Variants in SPATA7 observed in about 807,000 individuals in gnomAD.
SPATA7 encodes the protein spermatogenesis associated 7.
SPATA7 carries 43 observed loss-of-function variants against 51.8 expected under a neutral mutation model. That is an observed-to-expected ratio of 0.83 (90% CI 0.65 to 1.07). The LOEUF (loss-of-function observed/expected upper bound fraction) is 1.07, where lower values mean the gene tolerates loss of function less well. Ranked by LOEUF, SPATA7 falls within the 50% of genes least tolerant of loss-of-function variation. The pLI is 0.00. For missense variants in SPATA7, 683 were observed against 701.3 expected (o/e 0.97, Z 0.30); for synonymous variants, 230 against 252.8 (o/e 0.91, Z 0.86).
chr14:88,468,227 T>C lies in SPATA7; in HGVS notation c.255-1620T>C, dbSNP rs945534149. ...GAGTCTGCACCAGCATCATTCTCTGTTGCCTCAGCATGTCCAGCACTCTCG... is the reference window on the plus strand; with the variant it reads ...GAGTCTGCACCAGCATCATTCTCTGCTGCCTCAGCATGTCCAGCACTCTCG... On this transcript the variant is annotated intron_variant, in intron 4 of 4. Coordinates refer to the SPATA7 transcript ENST00000556406. The C allele has an allele frequency of 3.1e-6, 5 of 1,610,204 alleles. No homozygotes were observed. The African/African-American group carries it at 6.7e-5, about 22-fold the overall frequency.
In SPATA7 at chr14:88,469,996, T is replaced by A; in HGVS notation, c.*129T>A. On this transcript the variant is annotated 3_prime_UTR_variant, in exon 5 of 5. Coordinates refer to the SPATA7 transcript ENST00000556406. The surrounding 1 kb of genome is among the most constrained non-coding windows in gnomAD (Gnocchi z 4.3). Reference sequence around the variant, plus strand: ...ATCTGCCAAAAATCTTGACAGGTATTCTGTAATGGTCCCTGTGTGGCAATA... The same window carrying A: ...ATCTGCCAAAAATCTTGACAGGTATACTGTAATGGTCCCTGTGTGGCAATA... 6.2e-7 allele frequency: 1 copy of A among 1,613,266 alleles called. No homozygotes were observed. The highest frequency in any genetic ancestry group is 1.3e-5 in the African/African-American group (1 of 75,028).
chr14:88,416,981 G>C, intron 5 of SPATA7, 137 bp downstream of exon 5: 1 of 699,286 alleles, frequency 1.4e-6, no homozygotes. Flanking sequence ...ATTTTAAAAG[G>C]CTGTTCAGGC....
intron 4 of SPATA7, among the ~76,000 whole-genome samples, chr14:88,460,459 T>C (rs997769344): frequency 6.6e-5 from 10 of 152,228 alleles, no homozygotes; most frequent in Non-Finnish European, 1.3e-4. Context: ...TTCATTCATT[T>C]GATCTTCAAT....
chr14:88,411,475 C>G (rs2076339278), intron 4 of SPATA7, among the ~76,000 whole-genome samples: 1 of 152,162 alleles, frequency 6.6e-6, no homozygotes. Flanking sequence ...CAGTTTTGTG[C>G]TTGAAACCCA....
intron 9 of SPATA7, 103 bp downstream of exon 9, chr14:88,431,328 T>A (rs879054724): frequency 1.6e-4 from 181 of 1,129,486 alleles, no homozygotes; most frequent in Non-Finnish European, 2.1e-4. Flanking sequence ...TCTCTTTTTT[T>A]AAAACTGGCA....
At chr14:88,468,056 G>C (rs1180616408) in intron 4 of SPATA7, 1 of 1,523,104 alleles carries the variant, frequency 6.6e-7, no homozygotes, top group South Asian at 1.2e-5. Context: ...AGTGTCAACG[G>C]GAAAGTATGA....
intron 3 of SPATA7, among the ~76,000 whole-genome samples, chr14:88,449,893 C>A (rs1170347186): frequency 6.6e-6 from 1 of 152,088 alleles, no homozygotes; most frequent in Non-Finnish European, 1.5e-5. Context: ...AGAATAGCTA[C>A]TCCTGCTTGC....
chr14:88,449,063 T>C (rs918727856), intron 3 of SPATA7, among the ~76,000 whole-genome samples: 15 of 152,196 alleles, frequency 9.9e-5, no homozygotes, highest in African/African-American at 3.6e-4. Context: ...TTCAATTTCA[T>C]TTAATTCTGC....
At chr14:88,392,881 T>TTTTTTTTTTGTTTTTTTTTTTTTTTG (rs1566747386) in intron 2 of SPATA7, among the ~76,000 whole-genome samples, 1 of 152,124 alleles carries the variant, frequency 6.6e-6, no homozygotes, top group African/African-American at 2.4e-5. Context: ...TTACACTTGT[T>TTTTTTTTTTGTTTTTTTTTTTTTTTG]ATAAGATAGT....
chr14:88,420,658 G>A (rs2076615852), intron 5 of SPATA7, among the ~76,000 whole-genome samples: 2 of 152,078 alleles, frequency 1.3e-5, no homozygotes, highest in Admixed American at 6.5e-5. Context: ...CTAGGTTGTA[G>A]CAATGATCAG....
chr14:88,405,614 T>C (rs2076180450), intron 4 of SPATA7, among the ~76,000 whole-genome samples: 1 of 152,226 alleles, frequency 6.6e-6, no homozygotes, highest in Non-Finnish European at 1.5e-5. Flanking sequence ...AAAAATGACT[T>C]CCAAGACTTA....
At chr14:88,409,995 G>T (rs1371671647) in intron 4 of SPATA7, among the ~76,000 whole-genome samples, 1 of 152,144 alleles carries the variant, frequency 6.6e-6, no homozygotes. Context: ...TTGCTGAGGA[G>T]TGTTTTACTT....
downstream of SPATA7, among the ~76,000 whole-genome samples, chr14:88,442,299 C>T (rs1328514272): frequency 1.3e-5 from 2 of 152,074 alleles, no homozygotes; most frequent in Non-Finnish European, 1.5e-5. Context: ...AAGCGATTCT[C>T]CGACCTCAGC....
chr14:88,428,811 T>C (rs1352500287), intron 7 of SPATA7: 1 of 155,618 alleles, frequency 6.4e-6, no homozygotes, highest in Non-Finnish European at 1.4e-5. Context: ...CCTTTAAAAC[T>C]GTAAAGCACT....
intron 4 of SPATA7, among the ~76,000 whole-genome samples, chr14:88,460,399 TGTTCA>T (rs2077309939): frequency 6.6e-6 from 1 of 152,120 alleles, no homozygotes; most frequent in Non-Finnish European, 1.5e-5. Context: ...TTGGAGGCTT[TGTTCA>T]TTTCCTTTTA....
At chr14:88,393,650 A>G (rs2075803828) in intron 3 of SPATA7, 162 bp downstream of exon 3, 1 of 557,576 alleles carries the variant, frequency 1.8e-6, no homozygotes, top group Non-Finnish European at 3.2e-6. Context: ...GGTACTTAGC[A>G]AATTCATACC....
At chr14:88,414,691 C>A in intron 4 of SPATA7, 1 of 408,240 alleles carries the variant, frequency 2.4e-6, no homozygotes, top group South Asian at 1.8e-5. Context: ...GCACTGTAAA[C>A]TTGCCTCTTA....
intron 10 of SPATA7, among the ~76,000 whole-genome samples, chr14:88,437,236 T>C (rs1326420368): frequency 6.6e-6 from 1 of 151,258 alleles, no homozygotes; most frequent in East Asian, 1.9e-4. Flanking sequence ...AATATCGGGG[T>C]AGAGAGGCTT....
At chr14:88,434,591 A>G (rs1481047842) in intron 10 of SPATA7, among the ~76,000 whole-genome samples, 1 of 151,696 alleles carries the variant, frequency 6.6e-6, no homozygotes, top group African/African-American at 2.4e-5. Context: ...AGGGTGAGGC[A>G]GGAGAATCGC....
Sources: gnomAD v4.1 joint callset for allele counts (sites outside exome capture counted in the v4.1 genomes callset) on GRCh38, gnomAD v4.1.1 for gene constraint, Gnocchi (gnomAD v3.1) non-coding constraint, MANE v1.5 for transcripts, NCBI Gene and HGNC (gene_info 2026-07-23, HGNC 2026-07-21) for gene names.